Variants in MGST1 observed in about 807,000 individuals in gnomAD.
MGST1 encodes glutathione S-transferase 12.
Under a neutral mutation model 8.9 loss-of-function variants are expected in MGST1, and 5 were observed. The observed-to-expected ratio is 0.56, with a 90% CI of 0.29 to 1.19. MGST1 has a LOEUF of 1.19. Ranked by LOEUF, MGST1 falls within the 50% of genes most tolerant of loss-of-function variation. MGST1 has a pLI of 0.08. For missense variants in MGST1, 182 were observed against 187.4 expected (o/e 0.97, Z 0.17); for synonymous variants, 54 against 67.8 (o/e 0.80, Z 1.00).
intron 1 of MGST1, among the ~76,000 whole-genome samples, chr12:16,394,513 C>G (rs28572711): frequency 1.2e-5 from 1 of 84,396 alleles, no homozygotes; most frequent in Non-Finnish European, 2.3e-5. Flanking sequence ...TCTTTCTCTC[C>G]CTTTCTTTCT....
intron 1 of MGST1, among the ~76,000 whole-genome samples, chr12:16,390,087 C>A (rs1940536863): frequency 6.6e-6 from 1 of 152,058 alleles, no homozygotes; most frequent in Admixed American, 6.6e-5. Flanking sequence ...CAGAATAACT[C>A]CAGCAAAGAC....
chr12:16,462,602 T>A (rs1389598949), intron 4 of MGST1, among the ~76,000 whole-genome samples: 2 of 151,924 alleles, frequency 1.3e-5, no homozygotes, highest in African/African-American at 4.8e-5. Flanking sequence ...ACTACAGAAA[T>A]TCTGAAGTCA....
intron 4 of MGST1, among the ~76,000 whole-genome samples, chr12:16,588,964 C>T (rs1195213284): frequency 6.6e-6 from 1 of 152,044 alleles, no homozygotes; most frequent in African/African-American, 2.4e-5. Context: ...ACTGTCACCC[C>T]TAACTATTTT....
chr12:16,513,586 GCC>G lies in MGST1; in HGVS notation n.483-75941_483-75940del, dbSNP rs1941591128. 2.0e-6 allele frequency: 1 copy of G among 493,590 alleles called. No individual in the cohort carries two copies. Among genetic ancestry groups the G allele is most frequent in the Non-Finnish European group, 4.1e-6 (1 of 241,932 alleles). The allele number at this position is 493,590 out of a possible 1,614,324, so 30.6% of individuals were successfully genotyped here. A position where few individuals can be genotyped will look rare whatever the true frequency, so the allele number is the denominator to read the frequency against. On this transcript the variant is annotated intron_variant and non_coding_transcript_variant, in intron 4 of 4. Transcript: ENST00000538857. This position sits in a 1 kb window ranked among gnomAD's most constrained non-coding sequence, Gnocchi z 4.2. The stretch of plus-strand genomic sequence containing the variant: ...CAAAAAGATGAATCTGGGAGTTAGT[GCC>G]TACAGGGACCACAACGGAAAGCCTT...
intron 1 of MGST1, 50 bp from the exon 2 acceptor site, chr12:16,354,181 T>C: frequency 1.5e-6 from 2 of 1,323,598 alleles, no homozygotes; most frequent in Non-Finnish European, 2.1e-6. Flanking sequence ...CTTCCAGTTA[T>C]TTTGGGTATT....
intron 1 of MGST1, chr12:16,400,894 C>T: frequency 8.3e-7 from 1 of 1,200,516 alleles, no homozygotes; most frequent in South Asian, 1.2e-5. Flanking sequence ...GTTTATAGGA[C>T]ACATTAGATT....
chr12:16,414,074 T>C (rs538473011), intron 1 of MGST1, among the ~76,000 whole-genome samples: 7 of 150,370 alleles, frequency 4.7e-5, no homozygotes, highest in African/African-American at 1.5e-4. Flanking sequence ...AAAAAAAAAA[T>C]AATAATAATA....
chr12:16,381,336 T>C (rs902600584), downstream of MGST1, among the ~76,000 whole-genome samples: 3 of 152,200 alleles, frequency 2.0e-5, no homozygotes, highest in African/African-American at 7.2e-5. Context: ...GCAGGCCTGG[T>C]GGTGACAAAA....
At chr12:16,491,361 T>C (rs151337571) in intron 4 of MGST1, among the ~76,000 whole-genome samples, 18 of 152,296 alleles carry the variant, frequency 1.2e-4, no homozygotes, top group Admixed American at 3.3e-4. Context: ...AATTGTTCTA[T>C]GTTAGGCCAC....
intron 4 of MGST1, among the ~76,000 whole-genome samples, chr12:16,521,981 G>A (rs1255557627): frequency 1.3e-5 from 2 of 152,000 alleles, no homozygotes; most frequent in Non-Finnish European, 2.9e-5. Flanking sequence ...TATGTTTGTG[G>A]CCACACGGTG....
At chr12:16,572,614 C>T (rs1240508377) in intron 4 of MGST1, among the ~76,000 whole-genome samples, 4 of 148,716 alleles carry the variant, frequency 2.7e-5, no homozygotes, top group African/African-American at 9.8e-5. Flanking sequence ...GTAATATCCA[C>T]GTATATCCAA....
chr12:16,420,897 G>A (rs1427027932), intron 1 of MGST1, among the ~76,000 whole-genome samples: 1 of 152,104 alleles, frequency 6.6e-6, no homozygotes. Context: ...TAAATTCTGG[G>A]AACAGCTCCT....
chr12:16,385,400 CATG>C, intron 1 of MGST1, among the ~76,000 whole-genome samples: 1 of 151,556 alleles, frequency 6.6e-6, no homozygotes, highest in East Asian at 1.9e-4. Flanking sequence ...ACATCAATCA[CATG>C]ATTTCTTTAA....
chr12:16,577,184 G>A (rs182992812), intron 4 of MGST1, among the ~76,000 whole-genome samples: 60 of 152,216 alleles, frequency 3.9e-4, no homozygotes, highest in African/African-American at 1.4e-3. Context: ...ACTCTAAAGA[G>A]TTAACAAACA....
At position 16,568,501 on chromosome 12, in the gene MGST1, GCCACATGTGGCTAAT is replaced by G. The variant is rs1275927707; in HGVS notation, n.483-21026_483-21012del. 1.8e-4 allele frequency among the ~76,000 whole-genome samples: 27 copies of G among 152,292 alleles called. No homozygotes were observed. The East Asian group carries it at 4.6e-3, about 26-fold the overall frequency. ...GTGCTGACCAGCATTTTAGCCACCA[GCCACATGTGGCTAAT>G]GACTACTTGACATGTAGTGAGTCTG... On this transcript the variant is annotated intron_variant and non_coding_transcript_variant, in intron 4 of 4. Transcript: ENST00000538857.
chr12:16,450,862 G>A (rs986764200), intron 4 of MGST1, among the ~76,000 whole-genome samples: 9 of 151,780 alleles, frequency 5.9e-5, no homozygotes, highest in Non-Finnish European at 1.0e-4. Context: ...GTGTGTGTGT[G>A]TGTGTGTGTG....
intron 1 of MGST1, among the ~76,000 whole-genome samples, chr12:16,429,572 A>G (rs1006859669): frequency 6.6e-6 from 1 of 152,102 alleles, no homozygotes; most frequent in Non-Finnish European, 1.5e-5. Context: ...GACCAATAAG[A>G]TGGAGCAAAT....
upstream of MGST1, among the ~76,000 whole-genome samples, chr12:16,347,428 A>T (rs1315212771): frequency 6.6e-6 from 1 of 152,060 alleles, no homozygotes; most frequent in Non-Finnish European, 1.5e-5. The surrounding 1 kb of genome is among the most constrained non-coding windows in gnomAD (Gnocchi z 4.0). Flanking sequence ...CTTCCCACTG[A>T]TTAGGGGAGT....
chr12:16,452,293 A>T (rs935442922), intron 4 of MGST1, among the ~76,000 whole-genome samples: 1 of 151,558 alleles, frequency 6.6e-6, no homozygotes, highest in Non-Finnish European at 1.5e-5. Flanking sequence ...AGAGAACCCT[A>T]TGTTTTTGTA....
Sources: gnomAD v4.1 joint callset for allele counts (sites outside exome capture counted in the v4.1 genomes callset) on GRCh38, gnomAD v4.1.1 for gene constraint, Gnocchi (gnomAD v3.1) non-coding constraint, MANE v1.5 for transcripts, NCBI Gene and HGNC (gene_info 2026-07-23, HGNC 2026-07-21) for gene names.